Variants in GALNT9 observed in about 807,000 individuals in gnomAD.
GALNT9 encodes the protein polypeptide N-acetylgalactosaminyltransferase 9.
Under a neutral mutation model 63.1 loss-of-function variants are expected in GALNT9, and 47 were observed. The observed-to-expected ratio is 0.75, with a 90% CI of 0.59 to 0.95. GALNT9 has a LOEUF of 0.95. GALNT9 is among the 40% of genes least tolerant of loss of function. The probability of loss-of-function intolerance (pLI) is 0.00; values close to 1 mark genes in which losing one functional copy is unlikely to be tolerated. For missense variants in GALNT9, 829 were observed against 874.8 expected (o/e 0.95, Z 0.66); for synonymous variants, 396 against 365.7 (o/e 1.08, Z -0.94).
chr12:132,243,588 A>T (rs2136905738), intron 6 of GALNT9, among the ~76,000 whole-genome samples: 114 of 152,032 alleles, frequency 7.5e-4, no homozygotes, highest in Non-Finnish European at 1.5e-3. Flanking sequence ...AGGAGACCCC[A>T]GTTCTATTTC....
rs1555239867 is a variant in GALNT9 at position 132,262,487 on chromosome 12, G to A, written c.558C>T (p.Val186=). The A allele has an allele frequency of 2.6e-6, 4 of 1,550,910 alleles. No individual in the cohort carries two copies. Among genetic ancestry groups the A allele is most frequent in the Admixed American group, 2.0e-5 (1 of 50,964 alleles). The change falls in exon 3 of 11, where the codon GTC becomes GTT. Residue 186 remains valine, a synonymous_variant. Coordinates refer to ENST00000328957, the MANE Select transcript of GALNT9 (RefSeq NM_001122636.2). ...NHTPSQLLKE[V]ILVDDNSDNV... ...TGTCACTGTTGTCGTCCACCAGGATGACCTCCTTGAGGAGCTGGGAGGGCG... is the reference window on the plus strand; with the variant it reads ...TGTCACTGTTGTCGTCCACCAGGATAACCTCCTTGAGGAGCTGGGAGGGCG...
chr12:132,267,471 G>A (rs111430198), intron 2 of GALNT9, among the ~76,000 whole-genome samples: 2,195 of 152,292 alleles, frequency 0.014, 53 homozygotes, highest in African/African-American at 0.048. Flanking sequence ...AACCCACACC[G>A]TCGCCCAGCA....
intron 6 of GALNT9, among the ~76,000 whole-genome samples, chr12:132,228,648 T>C (rs1877790819): frequency 6.6e-6 from 1 of 150,536 alleles, no homozygotes; most frequent in South Asian, 2.1e-4. Context: ...CCCAGCGGAG[T>C]GGGGTCTCGA....
intron 4 of GALNT9, among the ~76,000 whole-genome samples, chr12:132,258,397 G>A (rs1453063861): frequency 6.6e-6 from 1 of 152,254 alleles, no homozygotes; most frequent in African/African-American, 2.4e-5. Context: ...GTGCCACGGG[G>A]AGCTCGCACG....
chr12:132,287,038 CA>C (rs1593105743), intron 1 of GALNT9, among the ~76,000 whole-genome samples: 1 of 138,880 alleles, frequency 7.2e-6, no homozygotes, highest in African/African-American at 2.7e-5. Context: ...AAACGCACAG[CA>C]GGTGTGACAC....
rs1878719765 is a variant in GALNT9 at position 132,246,785 on chromosome 12, C to A, written c.1077+1125G>T. ...TGACCTCATGATCCACCCACCTCTG[C>A]CTCCCACAGTGTTGGGATTACAGGC... On this transcript the variant is annotated intron_variant, in intron 6 of 10. Transcript: ENST00000328957. This position sits in a 1 kb window ranked among gnomAD's most constrained non-coding sequence, Gnocchi z 4.7. 6.6e-6 allele frequency among the ~76,000 whole-genome samples: 1 copy of A among 152,198 alleles called. No homozygotes were observed. Among genetic ancestry groups the A allele is most frequent in the Non-Finnish European group, 1.5e-5 (1 of 68,046 alleles).
chr12:132,230,179 T>G (rs1357778169), intron 6 of GALNT9, among the ~76,000 whole-genome samples: 2 of 152,104 alleles, frequency 1.3e-5, no homozygotes, highest in African/African-American at 2.4e-5. Flanking sequence ...CACAGCCACC[T>G]GCCCCAGCTG....
In GALNT9 at chr12:132,196,718, G is replaced by A. The variant is rs1362370890; in HGVS notation, c.*389C>T. 7 of 1,010,396 alleles carry A rather than the reference G, an allele frequency of 6.9e-6. No homozygotes were observed. The East Asian group carries it at 3.1e-4, about 45-fold the overall frequency. The allele number at this position is 1,010,396 out of a possible 1,614,324, so 62.6% of individuals were successfully genotyped here. On this transcript the variant is annotated 3_prime_UTR_variant, in exon 11 of 11. Transcript: ENST00000328957. The stretch of plus-strand genomic sequence containing the variant: ...GCTGCTTGGAGCATGGGAGGCCTGC[G>A]GGTGGAAGACACCAGGGTGCAGCCT...
Position 132,201,255 on chromosome 12 carries a change from C to T in GALNT9, c.1270G>A (p.Gly424Arg). 6.2e-7 allele frequency: 1 copy of T among 1,612,548 alleles called. No homozygotes were observed. Among genetic ancestry groups the T allele is most frequent in the Non-Finnish European group, 8.5e-7 (1 of 1,178,854 alleles). Reference sequence around the variant, plus strand: ...TCAGACACGTCCCCGAAGTCCACCCCTGGGTTCTGCAAGGCCAGAAGTAGG... The same window carrying T: ...TCAGACACGTCCCCGAAGTCCACCCTTGGGTTCTGCAAGGCCAGAAGTAGG... ...MAWNIPMSNP[G>R]VDFGDVSERL... Residue 424 changes from glycine (G) to arginine (R), a missense_variant, in exon 8 of 11, where the codon GGG becomes AGG. Coordinates refer to ENST00000328957, the MANE Select transcript of GALNT9 (RefSeq NM_001122636.2).
intron 1 of GALNT9, among the ~76,000 whole-genome samples, chr12:132,307,023 G>A (rs1881641942): frequency 6.6e-6 from 1 of 152,104 alleles, no homozygotes; most frequent in Non-Finnish European, 1.5e-5. Context: ...AGGTGGGGGT[G>A]ATCTGGGCTG....
At chr12:132,278,183 T>C (rs1443605599) in intron 2 of GALNT9, 1 of 152,006 alleles carries the variant, frequency 6.6e-6, no homozygotes, top group Non-Finnish European at 1.5e-5. Context: ...AGGGCTTCGC[T>C]AGGGAGGGGC....
chr12:132,250,216 C>T (rs1194460111), intron 5 of GALNT9, among the ~76,000 whole-genome samples: 5 of 152,064 alleles, frequency 3.3e-5, no homozygotes, highest in Admixed American at 2.6e-4. Flanking sequence ...TGACTCCGTC[C>T]GCATGCAAGG....
chr12:132,290,709 G>A (rs1252670274), intron 1 of GALNT9, among the ~76,000 whole-genome samples: 5 of 80,018 alleles, frequency 6.2e-5, no homozygotes, highest in African/African-American at 1.5e-4. Flanking sequence ...CAGCACCCAC[G>A]TCCACATCAC....
chr12:132,199,072 A>C (rs1183749791), intron 9 of GALNT9, 102 bp downstream of exon 9: 1 of 737,526 alleles, frequency 1.4e-6, no homozygotes, highest in Non-Finnish European at 2.3e-6. Context: ...GCCTCAGAAC[A>C]CCCCAGCAGG....
At chr12:132,240,591 G>C (rs2136898753) in intron 6 of GALNT9, 8 of 455,360 alleles carry the variant, frequency 1.8e-5, no homozygotes, top group South Asian at 1.2e-4. Context: ...GGGCTCGGCT[G>C]TGGGCTCCGT....
Position 132,202,042 on chromosome 12 carries a change from G to A in GALNT9, c.1264-781C>T, listed in dbSNP as rs572768287. On this transcript the variant is annotated intron_variant, in intron 7 of 10. Transcript: ENST00000328957. Reference sequence around the variant, plus strand: ...CCTTCACGGCCTGGGCTTGAATCCCGTCACCTTCTGGTATGTGGGCCTGGG... The same window carrying A: ...CCTTCACGGCCTGGGCTTGAATCCCATCACCTTCTGGTATGTGGGCCTGGG... 2.8e-4 allele frequency among the ~76,000 whole-genome samples: 42 copies of A among 152,298 alleles called. No homozygotes were observed. In the East Asian group the frequency reaches 4.1e-3, roughly 15 times the overall value.
intron 2 of GALNT9, among the ~76,000 whole-genome samples, chr12:132,268,104 C>T (rs1442651480): frequency 1.7e-4 from 24 of 143,928 alleles, no homozygotes; most frequent in African/African-American, 7.1e-4. Context: ...CACACGCGCA[C>T]TCACACACAC....
At chr12:132,264,198 G>T (rs1555239996) in intron 2 of GALNT9, among the ~76,000 whole-genome samples, 1 of 152,242 alleles carries the variant, frequency 6.6e-6, no homozygotes, top group Non-Finnish European at 1.5e-5. Flanking sequence ...CGCCTGCATG[G>T]AACAGAAGGC....
intron 8 of GALNT9, chr12:132,200,886 G>A: frequency 1.9e-6 from 1 of 537,116 alleles, no homozygotes; most frequent in Non-Finnish European, 3.3e-6. Flanking sequence ...GCAGGTGCGT[G>A]TGTTTATGTG....
Sources: gnomAD v4.1 joint callset for allele counts (sites outside exome capture counted in the v4.1 genomes callset) on GRCh38, gnomAD v4.1.1 for gene constraint, Gnocchi (gnomAD v3.1) non-coding constraint, MANE v1.5 for transcripts, NCBI Gene and HGNC (gene_info 2026-07-23, HGNC 2026-07-21) for gene names.